VSTM2B: variants seen among roughly 807,000 people sequenced by gnomAD.
VSTM2B encodes the protein V-set and transmembrane domain containing 2B.
In VSTM2B, 24 loss-of-function variants were observed where a neutral mutation model predicts 24.0. That is an observed-to-expected ratio of 1.00 (90% CI 0.72 to 1.40). VSTM2B has a LOEUF of 1.40. Among genes scored for constraint, VSTM2B ranks in the 40% most tolerant of loss-of-function variants. The pLI is 0.00. For synonymous variants in VSTM2B, 226 were observed against 194.4 expected, an observed-to-expected ratio of 1.16 and a Z score of -1.35; for missense variants, 399 against 416.4, an observed-to-expected ratio of 0.96 and a Z score of 0.36.
intron 4 of VSTM2B, among the ~76,000 whole-genome samples, chr19:29,554,295 A>G: frequency 6.6e-6 from 1 of 152,210 alleles, no homozygotes; most frequent in East Asian, 1.9e-4. Flanking sequence ...AATTTCCAAC[A>G]CAGAATATCA....
At position 29,564,156 on chromosome 19, in the gene VSTM2B, G is replaced by A; in HGVS notation, c.*222G>A. On this transcript the variant is annotated 3_prime_UTR_variant, in exon 5 of 5. Transcript: ENST00000335523. Reference sequence around the variant, plus strand: ...ATTTGGAGTTTGGCCCATGCAGTCTGCATGGGAATCAATGATTTCTCTACT... The same window carrying A: ...ATTTGGAGTTTGGCCCATGCAGTCTACATGGGAATCAATGATTTCTCTACT... The A allele has an allele frequency of 2.1e-6, 1 of 483,560 alleles. No homozygotes were observed. Among genetic ancestry groups the A allele is most frequent in the Non-Finnish European group, 3.7e-6 (1 of 268,314 alleles). The allele number at this position is 483,560 out of a possible 1,614,324, so 30.0% of individuals were successfully genotyped here.
intron 4 of VSTM2B, among the ~76,000 whole-genome samples, chr19:29,563,248 G>GT (rs1970576197): frequency 5.7e-5 from 6 of 104,464 alleles, no homozygotes; most frequent in African/African-American, 1.7e-4. Context: ...GAAGCATATT[G>GT]TCTTTTTTTT....
At chr19:29,536,961 G>C (rs886688008) in intron 4 of VSTM2B, among the ~76,000 whole-genome samples, 3 of 152,210 alleles carry the variant, frequency 2.0e-5, no homozygotes, top group Non-Finnish European at 4.4e-5. Context: ...GAGCTTTCTG[G>C]AAGATGCCAG....
rs929294982 is a variant in VSTM2B at position 29,527,387 on chromosome 19, C to G, written c.259C>G (p.Arg87Gly). 18 of 1,536,426 alleles carry G rather than the reference C, an allele frequency of 1.2e-5. No homozygotes were observed. The highest frequency in any genetic ancestry group is 2.8e-5 in the African/African-American group (2 of 71,878). The change falls in exon 2 of 5, where the codon CGG (arginine) becomes GGG (glycine). Residue 87 changes from arginine (R) to glycine (G), a missense_variant. Physicochemically the swap from Arg to Gly is moderately radical, Grantham distance 125 (BLOSUM62 -2). Coordinates refer to ENST00000335523, the MANE Select transcript of VSTM2B (RefSeq NM_001146339.2). ...HELALSVPGA[R>G]SKVTNKDATK... ...GCTGGCGCTCAGCGTGCCGGGCGCC[C>G]GGAGCAAGGTAACCCGCCGCCCACG...
At chr19:29,556,537 A>G (rs1970413134) in intron 4 of VSTM2B, among the ~76,000 whole-genome samples, 1 of 152,242 alleles carries the variant, frequency 6.6e-6, no homozygotes, top group Non-Finnish European at 1.5e-5. Context: ...TGGCCAGGAC[A>G]ATCAGGCAAG....
rs571085175 is a variant in VSTM2B, at chr19:29,558,171, C to T, written c.770-5675C>T. Among the ~76,000 whole-genome samples, 160 of 152,164 alleles carry T rather than the reference C, an allele frequency of 1.1e-3. 3 individuals carry two copies. The South Asian group carries it at 0.029, about 28-fold the overall frequency. ...AAAACCTCAATGAGATACCATCTCA[C>T]GCCAGTCAGAATGGTGATTATTAAA... On this transcript the variant is annotated intron_variant, in intron 4 of 4. Transcript: ENST00000335523.
At chr19:29,554,694 A>T (rs1877084719) in intron 4 of VSTM2B, among the ~76,000 whole-genome samples, 1 of 152,248 alleles carries the variant, frequency 6.6e-6, no homozygotes, top group South Asian at 2.1e-4. Context: ...GAAGACACAC[A>T]TAAGCTCAAA....
chr19:29,535,560 A>G (rs549940255), intron 4 of VSTM2B, among the ~76,000 whole-genome samples: 1 of 152,162 alleles, frequency 6.6e-6, no homozygotes, highest in Non-Finnish European at 1.5e-5. Flanking sequence ...AAAGACAGCC[A>G]AGGCCATGGG....
At position 29,563,970 on chromosome 19, in the gene VSTM2B, C is replaced by A; in HGVS notation, c.*36C>A. ...CAACCCGAGCATCTCAGAGGCCGCA[C>A]ATGACCTGCCCGGGGCCCTCGGTGA... On this transcript the variant is annotated 3_prime_UTR_variant, in exon 5 of 5. Coordinates refer to ENST00000335523, the MANE Select transcript of VSTM2B (RefSeq NM_001146339.2). 1 of 1,532,528 alleles carries A rather than the reference C, an allele frequency of 6.5e-7. No homozygotes were observed. The highest frequency in any genetic ancestry group is 1.2e-5 in the South Asian group (1 of 83,684). The allele number at this position is 1,532,528 out of a possible 1,614,324, so 94.9% of individuals were successfully genotyped here.
intron 4 of VSTM2B, among the ~76,000 whole-genome samples, chr19:29,549,423 T>C (rs2145498102): frequency 9.2e-6 from 1 of 109,258 alleles, no homozygotes; most frequent in East Asian, 3.4e-4. Context: ...AGCCTGATAC[T>C]TCCCCCAGTG....
At chr19:29,528,949 G>C in intron 3 of VSTM2B, 9 of 985,474 alleles carry the variant, frequency 9.1e-6, no homozygotes, top group Non-Finnish European at 1.1e-5. Context: ...CAGGCTTGCA[G>C]GGGACGGGGT....
intron 4 of VSTM2B, among the ~76,000 whole-genome samples, chr19:29,563,095 G>T (rs560029015): frequency 6.6e-6 from 1 of 152,260 alleles, no homozygotes; most frequent in Non-Finnish European, 1.5e-5. Context: ...GTGAAGCTGT[G>T]CAGTTTAGGC....
At chr19:29,539,930 C>A (rs1465922722) in intron 4 of VSTM2B, among the ~76,000 whole-genome samples, 2 of 152,272 alleles carry the variant, frequency 1.3e-5, no homozygotes, top group Non-Finnish European at 2.9e-5. Context: ...GCCCACCCAC[C>A]TGTAATCGTA....
chr19:29,530,811 G>A (rs1392529112), intron 4 of VSTM2B, among the ~76,000 whole-genome samples: 2 of 152,096 alleles, frequency 1.3e-5, no homozygotes, highest in Admixed American at 6.5e-5. Flanking sequence ...TGTAACCTAC[G>A]CCCTCTTTGG....
intron 4 of VSTM2B, among the ~76,000 whole-genome samples, chr19:29,537,170 T>C (rs1170894706): frequency 2.0e-5 from 3 of 152,168 alleles, no homozygotes; most frequent in African/African-American, 7.2e-5. Flanking sequence ...CTGTAACTCT[T>C]GATTCCTGAC....
chr19:29,553,225 G>A (rs764970303), intron 4 of VSTM2B, among the ~76,000 whole-genome samples: 1 of 152,142 alleles, frequency 6.6e-6, no homozygotes, highest in Non-Finnish European at 1.5e-5. Flanking sequence ...TTCCAGGATG[G>A]AGATCCCAGA....
At chr19:29,538,740 G>A (rs1471188153) in intron 4 of VSTM2B, among the ~76,000 whole-genome samples, 4 of 152,176 alleles carry the variant, frequency 2.6e-5, no homozygotes, top group Non-Finnish European at 5.9e-5. Flanking sequence ...AAGCAAGAGA[G>A]AGAGGGAGGA....
chr19:29,534,471 T>A (rs1246734024), intron 4 of VSTM2B, among the ~76,000 whole-genome samples: 1 of 152,012 alleles, frequency 6.6e-6, no homozygotes, highest in African/African-American at 2.4e-5. Flanking sequence ...TCACAGCACT[T>A]TGGAAGGCCG....
rs948968486 is a variant in VSTM2B at position 29,526,701 on chromosome 19, G to A, written c.82+36G>A. The A allele has an allele frequency of 6.6e-7, 1 of 1,510,646 alleles. No homozygotes were observed. The highest frequency in any genetic ancestry group is 8.9e-7 in the Non-Finnish European group (1 of 1,129,732). 93.6% of individuals were successfully genotyped at this position (1,510,646 alleles called of 1,614,324 possible). ...GAACTTTGCTGCCGCTGTGGACTCG[G>A]GGGGGTCTTTGCTGGGGCCGCCACC... On this transcript the variant is annotated intron_variant, in intron 1 of 4. Transcript: ENST00000335523. The surrounding 1 kb of genome is among the most constrained non-coding windows in gnomAD (Gnocchi z 4.1).
Sources: allele counts gnomAD v4.1 joint callset (sites outside exome capture counted in the v4.1 genomes callset), GRCh38; gene constraint gnomAD v4.1.1; non-coding constraint Gnocchi (gnomAD v3.1); transcripts MANE v1.5; gene names NCBI Gene and HGNC (gene_info 2026-07-23, HGNC 2026-07-21).